STOML1: variants seen among roughly 807,000 people sequenced by gnomAD.
The protein encoded by STOML1 is stomatin-like protein 1.
A neutral mutation model predicts 35.7 loss-of-function variants in STOML1; 27 were observed. The ratio of observed to expected loss-of-function variants is 0.76; its 90% CI spans 0.56 to 1.04. The LOEUF (loss-of-function observed/expected upper bound fraction) is 1.04, where lower values mean the gene tolerates loss of function less well. Ranked by LOEUF, STOML1 falls within the 50% of genes least tolerant of loss-of-function variation. The probability of loss-of-function intolerance (pLI) is 0.00; values close to 1 mark genes in which losing one functional copy is unlikely to be tolerated. For synonymous variants in STOML1, 219 were observed against 227.9 expected, an observed-to-expected ratio of 0.96 and a Z score of 0.35; for missense variants, 451 against 527.1, an observed-to-expected ratio of 0.86 and a Z score of 1.41.
intron 3 of STOML1, 67 bp downstream of exon 3, chr15:73,989,041 C>T (rs117291840): frequency 0.032 from 48,573 of 1,518,618 alleles, 913 homozygotes; most frequent in Non-Finnish European, 0.036. Context: ...GGCTGAGGTC[C>T]TGGCACCACA....
Position 73,981,503 on chromosome 15 carries a change from T to G in STOML1, c.*2434A>C, listed in dbSNP as rs1382083911. Reference sequence around the variant, plus strand: ...TGTCTAGTCCGGTATAAGGACATATTTGGCACACAGTAATGGTTACTATTT... The same window carrying G: ...TGTCTAGTCCGGTATAAGGACATATGTGGCACACAGTAATGGTTACTATTT... On this transcript the variant is annotated 3_prime_UTR_variant, in exon 7 of 7. Coordinates refer to ENST00000541638, the MANE Select transcript of STOML1 (RefSeq NM_004809.5). 1 of 152,212 alleles carries G rather than the reference T, an allele frequency of 6.6e-6. No individual in the cohort carries two copies. Among genetic ancestry groups the G allele is most frequent in the South Asian group, 2.1e-4 (1 of 4,828 alleles). The allele number at this position is 152,212 out of a possible 1,614,324, so 9.4% of individuals were successfully genotyped here.
In STOML1 at chr15:73,983,757, G is replaced by A; in HGVS notation, c.*180C>T. 1 of 646,312 alleles carries A rather than the reference G, an allele frequency of 1.5e-6. No homozygotes were observed. Among genetic ancestry groups the A allele is most frequent in the Non-Finnish European group, 2.6e-6 (1 of 383,012 alleles). The allele number at this position is 646,312 out of a possible 1,614,324, so 40.0% of individuals were successfully genotyped here. ...CCTTGTCCAGAGAACCACTGTAGGG[G>A]AGACGTGCATGGCAGCCGGACTCAG... On this transcript the variant is annotated 3_prime_UTR_variant, in exon 7 of 7. Coordinates refer to ENST00000541638, the MANE Select transcript of STOML1 (RefSeq NM_004809.5).
chr15:73,990,982 G>A (rs1301660837), intron 1 of STOML1: 1 of 1,433,144 alleles, frequency 7.0e-7, no homozygotes, highest in Non-Finnish European at 9.1e-7. Flanking sequence ...ATCAACGGGA[G>A]CCACAGATGA....
Position 73,988,743 on chromosome 15 carries a change from C to A in STOML1, c.450G>T (p.Trp150Cys), listed in dbSNP as rs1191090390. 6.2e-7 allele frequency: 1 copy of A among 1,614,220 alleles called. No individual in the cohort carries two copies. Among genetic ancestry groups the A allele is most frequent in the Admixed American group, 1.7e-5 (1 of 60,020 alleles). Reference sequence around the variant, plus strand: ...CAGTCATCACCGACAGCACCGGGTCCCAGATGCGAAACTGGACATCGGCTC... The same window carrying A: ...CAGTCATCACCGACAGCACCGGGTCACAGATGCGAAACTGGACATCGGCTC... ...SVGADVQFRI[W>C]DPVLSVMTVK... The change falls in exon 4 of 7, where the codon TGG becomes TGT. Residue 150 changes from tryptophan to cysteine, a missense_variant. Coordinates refer to ENST00000541638, the MANE Select transcript of STOML1 (RefSeq NM_004809.5). This position sits in a 1 kb window ranked among gnomAD's most constrained non-coding sequence, Gnocchi z 4.8.
chr15:73,982,334 C>T lies in STOML1; in HGVS notation c.*1603G>A, dbSNP rs985500586. On this transcript the variant is annotated 3_prime_UTR_variant, in exon 7 of 7. Coordinates refer to ENST00000541638, the MANE Select transcript of STOML1 (RefSeq NM_004809.5). ...GAGGGCAGGCTTTGGAACAGACAGC[C>T]TCAGCTAGAAAGCCCTGGGAGGGCC... The T allele has an allele frequency of 4.6e-5, 7 of 152,484 alleles. No homozygotes were observed. The highest frequency in any genetic ancestry group is 3.3e-4 in the Admixed American group (5 of 15,292). 9.4% of individuals were successfully genotyped at this position (152,484 alleles called of 1,614,324 possible).
Position 73,988,751 on chromosome 15 carries a change from G to C in STOML1, c.442C>G (p.Arg148Gly), listed in dbSNP as rs1475319090. 1 of 1,614,062 alleles carries C rather than the reference G, an allele frequency of 6.2e-7. No individual in the cohort carries two copies. Among genetic ancestry groups the C allele is most frequent in the African/African-American group, 1.3e-5 (1 of 74,926 alleles). ...ACCGACAGCACCGGGTCCCAGATGC[G>C]AAACTGGACATCGGCTCCCACGGAC... ...VLSVGADVQFRIWDPVLSVMT... is the reference protein window; with the variant it reads ...VLSVGADVQFGIWDPVLSVMT... The change falls in exon 4 of 7, where the codon CGC (arginine) becomes GGC (glycine). Residue 148 changes from arginine (R) to glycine (G), a missense_variant. Arg to Gly is a moderately radical substitution (Grantham distance 125). Transcript: ENST00000541638. The surrounding 1 kb of genome is among the most constrained non-coding windows in gnomAD (Gnocchi z 4.8).
At chr15:73,992,560 C>T (rs1023648450), upstream of STOML1, among the ~76,000 whole-genome samples, 5 of 152,182 alleles carry the variant, frequency 3.3e-5, no homozygotes, top group Non-Finnish European at 7.4e-5. Flanking sequence ...TATAATCCAT[C>T]AATTTGGGAG....
Position 73,985,486 on chromosome 15 carries a change from A to C in STOML1, c.622T>G (p.Trp208Gly). 1.3e-6 allele frequency: 2 copies of C among 1,541,400 alleles called. No individual in the cohort carries two copies. Among genetic ancestry groups the C allele is most frequent in the South Asian group, 2.4e-5 (2 of 82,420 alleles). ...LLEINDVTRA[W>G]GLEVDRVELA... ...TCCACGCGGTCTACCTCCAGCCCCCAGGCCCTGGTCACATCGTTGATCTCC... is the reference window on the plus strand; with the variant it reads ...TCCACGCGGTCTACCTCCAGCCCCCCGGCCCTGGTCACATCGTTGATCTCC... Residue 208 changes from tryptophan to glycine, a missense_variant, in exon 5 of 7, where the codon TGG becomes GGG. Physicochemically the swap from Trp to Gly is radical, Grantham distance 184 (BLOSUM62 -2). Coordinates refer to ENST00000541638, the MANE Select transcript of STOML1 (RefSeq NM_004809.5).
intron 2 of STOML1, among the ~76,000 whole-genome samples, chr15:73,989,648 A>C (rs2069204114): frequency 6.6e-6 from 1 of 152,180 alleles, no homozygotes; most frequent in Non-Finnish European, 1.5e-5. Flanking sequence ...CCCCCGGGGA[A>C]AGGGCTTTGT....
At position 73,979,906 on chromosome 15, in the gene STOML1, C is replaced by T. The variant is rs2068942343; in HGVS notation, c.*4031G>A. On this transcript the variant is annotated 3_prime_UTR_variant, in exon 7 of 7. Transcript: ENST00000541638. ...AGTTAGAGACCAGCTTGAGAAGGCC[C>T]TGTCTCTACAAAAAAAAAAAAAAAA... 7.5e-6 allele frequency: 1 copy of T among 134,210 alleles called. No individual in the cohort carries two copies. The highest frequency in any genetic ancestry group is 2.9e-5 in the African/African-American group (1 of 34,176). The allele number at this position is 134,210 out of a possible 1,614,324, so 8.3% of individuals were successfully genotyped here. A position where few individuals can be genotyped will look rare whatever the true frequency, so the allele number is the denominator to read the frequency against.
chr15:73,992,039 G>A, intron 1 of STOML1, 52 bp downstream of exon 1: 1 of 1,512,022 alleles, frequency 6.6e-7, no homozygotes, highest in South Asian at 1.2e-5. Context: ...ATTCGGGCCT[G>A]GGGGTTGCCG....
chr15:73,990,832 G>C, intron 1 of STOML1: 1 of 1,535,686 alleles, frequency 6.5e-7, no homozygotes, highest in Non-Finnish European at 8.7e-7. Context: ...GGAGCCAGGA[G>C]CACCTGGGCA....
intron 2 of STOML1, 109 bp downstream of exon 2, chr15:73,990,242 G>C: frequency 1.1e-6 from 1 of 917,626 alleles, no homozygotes. Flanking sequence ...TTACACAAAG[G>C]GGTAATAATA....
Position 73,989,240 on chromosome 15 carries a change from C to T in STOML1, c.258G>A (p.Glu86=), listed in dbSNP as rs2069192338. 1.2e-6 allele frequency: 2 copies of T among 1,602,142 alleles called. No individual in the cohort carries two copies. The highest frequency in any genetic ancestry group is 2.2e-5 in the East Asian group (1 of 44,686). The change falls in exon 3 of 7, where the codon GAG becomes GAA. Residue 86 remains glutamate (E), a synonymous_variant. Coordinates refer to ENST00000541638, the MANE Select transcript of STOML1 (RefSeq NM_004809.5). ...GGCCCAGGCGGAACACAATCATCCG[C>T]TCGTAGGTGGGCACAATCTGTCCAC... ...WFALKIVPTY[E]RMIVFRLGRI... is the part of the protein sequence containing the mutation.
rs1056160868 is a variant in STOML1, at chr15:73,980,716, T to C, written c.*3221A>G. 10 of 152,166 alleles carry C rather than the reference T, an allele frequency of 6.6e-5. No individual in the cohort carries two copies. Among genetic ancestry groups the C allele is most frequent in the Admixed American group, 1.3e-4 (2 of 15,258 alleles). The allele number at this position is 152,166 out of a possible 1,614,324, so 9.4% of individuals were successfully genotyped here. On this transcript the variant is annotated 3_prime_UTR_variant, in exon 7 of 7. Coordinates refer to ENST00000541638, the MANE Select transcript of STOML1 (RefSeq NM_004809.5). ...TGGAGGGAGAATTTTCATAATATGC[T>C]TTCCTATCTTTTTAAATGTTTAGCC... is the stretch of plus-strand genomic sequence containing the variant.
chr15:73,989,266 A>G lies in STOML1; in HGVS notation c.241-9T>C, dbSNP rs1309676697. On this transcript the variant is annotated splice_polypyrimidine_tract_variant and intron_variant, in intron 2 of 6. Coordinates refer to ENST00000541638, the MANE Select transcript of STOML1 (RefSeq NM_004809.5). ...TCGTAGGTGGGCACAATCTGTCCACAATGGCAAGGGAAAGAGTTGAAAGTG... is the reference window on the plus strand; with the variant it reads ...TCGTAGGTGGGCACAATCTGTCCACGATGGCAAGGGAAAGAGTTGAAAGTG... 1 of 1,578,074 alleles carries G rather than the reference A, an allele frequency of 6.3e-7. No individual in the cohort carries two copies. Among genetic ancestry groups the G allele is most frequent in the Non-Finnish European group, 8.6e-7 (1 of 1,158,920 alleles).
At position 73,983,994 on chromosome 15, in the gene STOML1, C is replaced by T. The variant is rs2069005673; in HGVS notation, c.1140G>A (p.Val380=). 1 of 1,614,070 alleles carries T rather than the reference C, an allele frequency of 6.2e-7. No homozygotes were observed. Among genetic ancestry groups the T allele is most frequent in the African/African-American group, 1.3e-5 (1 of 75,076 alleles). The change falls in exon 7 of 7, where the codon GTG becomes GTA. Residue 380 remains valine (V), a synonymous_variant. Transcript: ENST00000541638. The part of the protein sequence containing the change: ...LGAYMSGRLK[V]KGDLAMAMKL... ...TCATGGCCATAGCCAGGTCGCCCTT[C>T]ACCTTCAGCCGTCCACTCATGTAGG...
chr15:73,985,754 A>G, intron 4 of STOML1: 1 of 487,856 alleles, frequency 2.0e-6, no homozygotes. Flanking sequence ...GGGAGTCCTC[A>G]GGTGGAGGAG....
chr15:73,988,442 G>T lies in STOML1; in HGVS notation c.594+157C>A. On this transcript the variant is annotated intron_variant, in intron 4 of 6. Transcript: ENST00000541638. This position sits in a 1 kb window ranked among gnomAD's most constrained non-coding sequence, Gnocchi z 4.8. The stretch of plus-strand genomic sequence containing the variant: ...CCCACCTGCCATTCCTCAACTCATG[G>T]CCCCACCCAGGCACTGGCTCTTCAA... 1 of 859,342 alleles carries T rather than the reference G, an allele frequency of 1.2e-6. No homozygotes were observed. The highest frequency in any genetic ancestry group is 1.8e-6 in the Non-Finnish European group (1 of 569,194). The allele number at this position is 859,342 out of a possible 1,614,324, so 53.2% of individuals were successfully genotyped here.
Sources: allele counts gnomAD v4.1 joint callset (sites outside exome capture counted in the v4.1 genomes callset), GRCh38; gene constraint gnomAD v4.1.1; non-coding constraint Gnocchi (gnomAD v3.1); transcripts MANE v1.5; gene names NCBI Gene and HGNC (gene_info 2026-07-23, HGNC 2026-07-21).